FLACC1: variants seen among roughly 807,000 people sequenced by gnomAD.
FLACC1 encodes flagellum associated containing coiled-coil domains 1.
A neutral mutation model predicts 62.8 loss-of-function variants in FLACC1; 66 were observed. The observed-to-expected ratio is 1.05, with a 90% CI of 0.86 to 1.29. The LOEUF (loss-of-function observed/expected upper bound fraction) is 1.29. FLACC1 is among the 50% of genes most tolerant of loss of function. FLACC1 has a pLI of 0.00. For missense variants in FLACC1, 452 were observed against 489.1 expected, an observed-to-expected ratio of 0.92 and a Z score of 0.71; for synonymous variants, 156 against 161.0, an observed-to-expected ratio of 0.97 and a Z score of 0.24.
intron 11 of FLACC1, 141 bp downstream of exon 11, chr2:201,307,378 C>A (rs1412278621): frequency 4.4e-6 from 3 of 681,860 alleles, no homozygotes; most frequent in Non-Finnish European, 7.8e-6. Flanking sequence ...AGTCTATTTG[C>A]ATACATTTCC....
intron 9 of FLACC1, 129 bp from the exon 10 acceptor site, chr2:201,309,379 C>G: frequency 2.9e-6 from 2 of 699,244 alleles, no homozygotes; most frequent in Non-Finnish European, 5.0e-6. Context: ...TCACCATGTT[C>G]TGTGCATCTT....
chr2:201,334,099 G>A lies in FLACC1; in HGVS notation c.525-3266C>T, dbSNP rs990637243. Among the ~76,000 whole-genome samples the A allele has an allele frequency of 2.6e-5, 4 of 152,196 alleles. No individual in the cohort carries two copies. The East Asian group carries it at 5.8e-4, about 22-fold the overall frequency. ...GTTGTTTCCTGACTTTTTAATGATCGCCATTCTAACTGGTGTGAGATGGTA... is the reference window on the plus strand; with the variant it reads ...GTTGTTTCCTGACTTTTTAATGATCACCATTCTAACTGGTGTGAGATGGTA... On this transcript the variant is annotated intron_variant, in intron 7 of 14. Transcript: ENST00000392257.
At position 201,342,399 on chromosome 2, in the gene FLACC1, C is replaced by A. The variant is rs1950827435; in HGVS notation, c.495G>T (p.Glu165Asp). Reference sequence around the variant, plus strand: ...TCTTGTTTTCAAAGTTCTGTTTCATCTCAGCACAGCGGAGATCCATTTCAC... The same window carrying A: ...TCTTGTTTTCAAAGTTCTGTTTCATATCAGCACAGCGGAGATCCATTTCAC... ...LSSEMDLRCA[E>D]MKQNFENKNR... is the part of the protein sequence containing the mutation. Residue 165 changes from glutamate (E) to aspartate (D), a missense_variant, in exon 7 of 15, where the codon GAG becomes GAT. Physicochemically the swap from Glu to Asp is conservative, Grantham distance 45. Around this residue, in one of 3 missense-constraint regions of FLACC1, gnomAD observed 301 missense variants for 318.4 expected, o/e 0.95. Transcript: ENST00000392257. The A allele has an allele frequency of 6.2e-7, 1 of 1,614,236 alleles. No individual in the cohort carries two copies.
intron 10 of FLACC1, among the ~76,000 whole-genome samples, chr2:201,308,451 A>G (rs1040850421): frequency 6.6e-6 from 1 of 152,188 alleles, no homozygotes; most frequent in African/African-American, 2.4e-5. Flanking sequence ...CTGCATTTAA[A>G]TGAGTAATTT....
At chr2:201,350,928 T>G in intron 2 of FLACC1, 146 bp from the exon 3 acceptor site, 2 of 697,270 alleles carry the variant, frequency 2.9e-6, no homozygotes, top group African/African-American at 1.8e-5. Context: ...CTGAGGCCTT[T>G]AAAACTCAGG....
chr2:201,320,344 G>T (rs545447525), intron 9 of FLACC1, among the ~76,000 whole-genome samples: 5 of 152,276 alleles, frequency 3.3e-5, no homozygotes, highest in Non-Finnish European at 5.9e-5. Context: ...AGCTGCCAGT[G>T]CAGGAACTGG....
rs779216003 is a variant in FLACC1 at position 201,288,623 on chromosome 2, A to C, written c.*32T>G. ...CTGGGCCTACAGAAATGGTGTGCCA[A>C]CCATCTTCAACAATGCAGAGCAACT... On this transcript the variant is annotated 3_prime_UTR_variant, in exon 15 of 15. Coordinates refer to ENST00000392257, the MANE Select transcript of FLACC1 (RefSeq NM_001127391.3). 1 of 1,607,398 alleles carries C rather than the reference A, an allele frequency of 6.2e-7. No homozygotes were observed.
upstream of FLACC1, among the ~76,000 whole-genome samples, chr2:201,361,754 G>GA (rs1951187694): frequency 3.3e-5 from 5 of 152,214 alleles, no homozygotes; most frequent in Admixed American, 3.3e-4. Flanking sequence ...AATGTGATGT[G>GA]AAAATCTTGC....
intron 10 of FLACC1, 150 bp from the exon 11 acceptor site, chr2:201,307,772 T>C (rs918298787): frequency 7.6e-6 from 5 of 654,942 alleles, no homozygotes; most frequent in Non-Finnish European, 1.1e-5. Context: ...GACACTCACC[T>C]GAAGGTGCTT....
chr2:201,295,002 G>A (rs1443096682), intron 12 of FLACC1, among the ~76,000 whole-genome samples: 6 of 152,076 alleles, frequency 3.9e-5, no homozygotes, highest in African/African-American at 9.7e-5. Context: ...ACTGCTCAAC[G>A]AAATAAAAGA....
chr2:201,360,705 G>A (rs1951179094), upstream of FLACC1, among the ~76,000 whole-genome samples: 1 of 152,146 alleles, frequency 6.6e-6, no homozygotes, highest in Admixed American at 6.5e-5. Context: ...CTAGAAAGAG[G>A]GGCCACTGTT....
intron 11 of FLACC1, 105 bp downstream of exon 11, chr2:201,307,414 C>T (rs1950127847): frequency 2.4e-6 from 2 of 823,976 alleles, no homozygotes; most frequent in African/African-American, 1.7e-5. Context: ...GAGGATTATG[C>T]CCAGAAAGAC....
intron 3 of FLACC1, among the ~76,000 whole-genome samples, chr2:201,349,502 AAT>A (rs1950983403): frequency 6.6e-6 from 1 of 152,102 alleles, no homozygotes; most frequent in East Asian, 1.9e-4. Context: ...TCCCCACTAG[AAT>A]ATAAGTGCCA....
chr2:201,327,961 T>C (rs978939727), intron 9 of FLACC1, among the ~76,000 whole-genome samples: 2 of 152,200 alleles, frequency 1.3e-5, no homozygotes, highest in Non-Finnish European at 2.9e-5. Context: ...ATATACACCA[T>C]AGACTGCTAC....
At chr2:201,305,158 G>A (rs954714928) in intron 11 of FLACC1, among the ~76,000 whole-genome samples, 3 of 152,152 alleles carry the variant, frequency 2.0e-5, no homozygotes, top group African/African-American at 7.2e-5. Context: ...CCTACAGAAT[G>A]GGAGAAAATT....
In FLACC1 at chr2:201,305,375, G is replaced by C. The variant is rs545559145; in HGVS notation, c.879+2144C>G. Among the ~76,000 whole-genome samples the C allele has an allele frequency of 4.6e-5, 7 of 152,166 alleles. No individual in the cohort carries two copies. In the South Asian group the frequency reaches 1.0e-3, roughly 23 times the overall value. Reference sequence around the variant, plus strand: ...CCATCAGAGAAATGCAAATCAAAACGACAATGAGATGCCATCTCACACCAG... The same window carrying C: ...CCATCAGAGAAATGCAAATCAAAACCACAATGAGATGCCATCTCACACCAG... On this transcript the variant is annotated intron_variant, in intron 11 of 14. Transcript: ENST00000392257.
chr2:201,335,466 C>T (rs1950674960), intron 7 of FLACC1, among the ~76,000 whole-genome samples: 1 of 151,988 alleles, frequency 6.6e-6, no homozygotes, highest in South Asian at 2.1e-4. Flanking sequence ...GTTCTTGGCA[C>T]CTTTGTCAAA....
At chr2:201,316,716 C>T (rs1304728954) in intron 9 of FLACC1, among the ~76,000 whole-genome samples, 1 of 152,114 alleles carries the variant, frequency 6.6e-6, no homozygotes, top group African/African-American at 2.4e-5. Flanking sequence ...AAGCCAGTAT[C>T]ACCCTAATAC....
chr2:201,348,398 G>T, intron 3 of FLACC1, 96 bp from the exon 4 acceptor site: 1 of 1,306,166 alleles, frequency 7.7e-7, no homozygotes. Flanking sequence ...TCTGACTTCT[G>T]CTCTCTGACC....
Sources: allele counts gnomAD v4.1 joint callset (sites outside exome capture counted in the v4.1 genomes callset), GRCh38; gene constraint gnomAD v4.1.1; regional missense constraint gnomAD v4.1.1; transcripts MANE v1.5; gene names NCBI Gene and HGNC (gene_info 2026-07-23, HGNC 2026-07-21).